ACTL6B: variants seen among roughly 807,000 people sequenced by gnomAD.
ACTL6B encodes the protein actin-like protein 6B.
A neutral mutation model predicts 63.3 loss-of-function variants in ACTL6B; 48 were observed. The observed-to-expected ratio is 0.76, with a 90% confidence interval of 0.60 to 0.96. The LOEUF is 0.96. ACTL6B is among the 50% of genes least tolerant of loss of function. The probability of loss-of-function intolerance (pLI) is 0.00; values close to 1 mark genes in which losing one functional copy is unlikely to be tolerated. For missense variants in ACTL6B, 350 were observed against 572.2 expected (o/e 0.61, Z 3.96); for synonymous variants, 230 against 223.8 (o/e 1.03, Z -0.25).
chr7:100,655,791 T>A lies in ACTL6B; in HGVS notation c.102+12A>T, dbSNP rs767984675. ...AGCCCCTAGGATTTGGAGAGGAGAC[T>A]GGAAGGCTCACCTTGGGACAGTCCT... On this transcript the variant is annotated intron_variant, in intron 2 of 13. Coordinates refer to ENST00000160382, the MANE Select transcript of ACTL6B (RefSeq NM_016188.5). The surrounding 1 kb of genome is among the most constrained non-coding windows in gnomAD (Gnocchi z 4.4). 5 of 1,562,118 alleles carry A rather than the reference T, an allele frequency of 3.2e-6. No homozygotes were observed.
intron 5 of ACTL6B, among the ~76,000 whole-genome samples, chr7:100,649,194 G>T (rs571562292): frequency 1.3e-4 from 20 of 151,180 alleles, no homozygotes; most frequent in African/African-American, 3.9e-4. Flanking sequence ...GGATTTCACC[G>T]TGTTAGCCAG....
In ACTL6B at chr7:100,655,865, G is replaced by A. The variant is rs758261599; in HGVS notation, c.40C>T (p.Leu14=). 1.7e-5 allele frequency: 27 copies of A among 1,571,906 alleles called. No homozygotes were observed. In the East Asian group the frequency reaches 3.1e-4, roughly 18 times the overall value. Reference sequence around the variant, plus strand: ...GAGAAGGAGCCAATGTCAAAGACCAGCGCCCCCACCTCATCTGTGCGGGGA... The same window carrying A: ...GAGAAGGAGCCAATGTCAAAGACCAACGCCCCCACCTCATCTGTGCGGGGA... The part of the protein sequence containing the change: ...GVYGGDEVGA[L]VFDIGSFSVR... Residue 14 remains leucine (L), a synonymous_variant, in exon 2 of 14, where the codon CTG becomes TTG. Transcript: ENST00000160382. This position sits in a 1 kb window ranked among gnomAD's most constrained non-coding sequence, Gnocchi z 4.4.
Position 100,647,164 on chromosome 7 carries a change from C to T in ACTL6B, c.821+59G>A. 6.3e-6 allele frequency: 10 copies of T among 1,587,018 alleles called. No individual in the cohort carries two copies. Among genetic ancestry groups the T allele is most frequent in the Middle Eastern group, 1.7e-4 (1 of 6,004 alleles). ...TGGGCAGCACCAGAGCCCCCCAGCC[C>T]ACCCCAAGAGTGCCGGTTCTGCCCT... is the stretch of plus-strand genomic sequence containing the variant. On this transcript the variant is annotated intron_variant, in intron 9 of 13. Coordinates refer to ENST00000160382, the MANE Select transcript of ACTL6B (RefSeq NM_016188.5). The surrounding 1 kb of genome is among the most constrained non-coding windows in gnomAD (Gnocchi z 4.4).
Position 100,644,990 on chromosome 7 carries a change from A to C in ACTL6B, c.1200+1259T>G, listed in dbSNP as rs186621637. Among the ~76,000 whole-genome samples, 1,265 of 152,262 alleles carry C rather than the reference A, an allele frequency of 8.3e-3. 16 individuals carry two copies. The highest frequency in any genetic ancestry group is 0.01 in the Non-Finnish European group (686 of 68,008). The stretch of plus-strand genomic sequence containing the variant: ...AGAATCGCTTGAACCCAGGAGATGG[A>C]GGTTGCAGTGAGCCAAGATTGCTCC... On this transcript the variant is annotated intron_variant, in intron 13 of 13. Transcript: ENST00000160382.
chr7:100,654,753 C>T (rs1390847971), intron 4 of ACTL6B, among the ~76,000 whole-genome samples: 1 of 149,336 alleles, frequency 6.7e-6, no homozygotes. Flanking sequence ...GCCTGGGTGA[C>T]GGAGTGAGAC....
At chr7:100,651,595 A>AT (rs931759414) in intron 4 of ACTL6B, among the ~76,000 whole-genome samples, 4 of 151,150 alleles carry the variant, frequency 2.6e-5, no homozygotes, top group South Asian at 4.2e-4. Context: ...TTAATTAATT[A>AT]TTTTTTTAAA....
chr7:100,655,768 C>A lies in ACTL6B; in HGVS notation c.102+35G>T. 1 of 1,551,198 alleles carries A rather than the reference C, an allele frequency of 6.4e-7. No individual in the cohort carries two copies. The highest frequency in any genetic ancestry group is 8.7e-7 in the Non-Finnish European group (1 of 1,146,848). Reference sequence around the variant, plus strand: ...GGAAAGCCTGAAGAAGGGTCCGAAGCCCCTAGGATTTGGAGAGGAGACTGG... The same window carrying A: ...GGAAAGCCTGAAGAAGGGTCCGAAGACCCTAGGATTTGGAGAGGAGACTGG... On this transcript the variant is annotated intron_variant, in intron 2 of 13. Coordinates refer to ENST00000160382, the MANE Select transcript of ACTL6B (RefSeq NM_016188.5). This position sits in a 1 kb window ranked among gnomAD's most constrained non-coding sequence, Gnocchi z 4.4.
At chr7:100,654,818 G>A (rs562519454) in intron 4 of ACTL6B, among the ~76,000 whole-genome samples, 1 of 152,074 alleles carries the variant, frequency 6.6e-6, no homozygotes, top group Non-Finnish European at 1.5e-5. Context: ...GGGCAGCAGA[G>A]TGCATAGAGC....
rs760188690 is a variant in ACTL6B, at chr7:100,647,412, G to C, written c.759+32C>G. 23 of 1,604,054 alleles carry C rather than the reference G, an allele frequency of 1.4e-5. No individual in the cohort carries two copies. The South Asian group carries it at 2.3e-4, about 16-fold the overall frequency. Reference sequence around the variant, plus strand: ...CGCCCCCGATTCATGGCAGGGGAGGGGGGTTTCAGGTGGCCCTCTCCAGAG... The same window carrying C: ...CGCCCCCGATTCATGGCAGGGGAGGCGGGTTTCAGGTGGCCCTCTCCAGAG... On this transcript the variant is annotated intron_variant, in intron 8 of 13. Transcript: ENST00000160382. The surrounding 1 kb of genome is among the most constrained non-coding windows in gnomAD (Gnocchi z 4.4).
chr7:100,646,361 A>G lies in ACTL6B; in HGVS notation c.1114-26T>C. On this transcript the variant is annotated intron_variant, in intron 12 of 13. Transcript: ENST00000160382. This position sits in a 1 kb window ranked among gnomAD's most constrained non-coding sequence, Gnocchi z 6.1. Reference sequence around the variant, plus strand: ...CTGGGGGTAAAAAGGGGCTGGGGGAAGCAGACACCTAGGTTCTGGGAAGGG... The same window carrying G: ...CTGGGGGTAAAAAGGGGCTGGGGGAGGCAGACACCTAGGTTCTGGGAAGGG... 6.2e-7 allele frequency: 1 copy of G among 1,611,148 alleles called. No homozygotes were observed. Among genetic ancestry groups the G allele is most frequent in the South Asian group, 1.1e-5 (1 of 90,636 alleles).
Position 100,655,218 on chromosome 7 carries a change from A to G in ACTL6B, c.269-99T>C. 1 of 1,225,310 alleles carries G rather than the reference A, an allele frequency of 8.2e-7. No individual in the cohort carries two copies. The highest frequency in any genetic ancestry group is 1.2e-6 in the Non-Finnish European group (1 of 846,534). 75.9% of individuals were successfully genotyped at this position (1,225,310 alleles called of 1,614,324 possible). A position where few individuals can be genotyped will look rare whatever the true frequency, so the allele number is the denominator to read the frequency against. On this transcript the variant is annotated intron_variant, in intron 3 of 13. Transcript: ENST00000160382. This position sits in a 1 kb window ranked among gnomAD's most constrained non-coding sequence, Gnocchi z 4.4. Reference sequence around the variant, plus strand: ...GAAAGGCCAAGCCCAAAGGAGGGTCAGTGAGTCCAGCTCCAGGGGAACGCC... The same window carrying G: ...GAAAGGCCAAGCCCAAAGGAGGGTCGGTGAGTCCAGCTCCAGGGGAACGCC...
chr7:100,648,954 A>T lies in ACTL6B; in HGVS notation c.468-131T>A. On this transcript the variant is annotated intron_variant, in intron 5 of 13. Transcript: ENST00000160382. The surrounding 1 kb of genome is among the most constrained non-coding windows in gnomAD (Gnocchi z 4.4). ...AGTCTGCAAATCTCTCCCCCTGGTG[A>T]TGACTCATCTCCTGGAGAAAGGCTC... 1 of 754,996 alleles carries T rather than the reference A, an allele frequency of 1.3e-6. No homozygotes were observed. The highest frequency in any genetic ancestry group is 2.0e-6 in the Non-Finnish European group (1 of 489,588). The allele number at this position is 754,996 out of a possible 1,614,324, so 46.8% of individuals were successfully genotyped here. A position where few individuals can be genotyped will look rare whatever the true frequency, so the allele number is the denominator to read the frequency against.
chr7:100,647,609 A>G lies in ACTL6B; in HGVS notation c.670-76T>C, dbSNP rs1803849414. On this transcript the variant is annotated intron_variant, in intron 7 of 13. Transcript: ENST00000160382. The surrounding 1 kb of genome is among the most constrained non-coding windows in gnomAD (Gnocchi z 4.4). ...CCCCCACCTTCCTGGCACTGTTCCC[A>G]GCTCTGCAGCTACCTGGCGCTGCAG... 2 of 1,104,640 alleles carry G rather than the reference A, an allele frequency of 1.8e-6. No individual in the cohort carries two copies. The highest frequency in any genetic ancestry group is 1.6e-5 in the African/African-American group (1 of 63,088). 68.4% of individuals were successfully genotyped at this position (1,104,640 alleles called of 1,614,324 possible). A position where few individuals can be genotyped will look rare whatever the true frequency, so the allele number is the denominator to read the frequency against.
intron 4 of ACTL6B, among the ~76,000 whole-genome samples, chr7:100,653,976 AT>A (rs910520585): frequency 1.2e-3 from 179 of 144,674 alleles, no homozygotes; most frequent in East Asian, 3.8e-3. Context: ...GAGGTTTTAA[AT>A]TTTTTTTTTT....
At chr7:100,650,244 C>T (rs1401273313) in intron 4 of ACTL6B, 109 bp from the exon 5 acceptor site, 20 of 841,010 alleles carry the variant, frequency 2.4e-5, no homozygotes, top group Non-Finnish European at 3.7e-5. Flanking sequence ...CACACACACA[C>T]ATCCAAACAC....
Position 100,646,149 on chromosome 7 carries a change from G to T in ACTL6B, c.1200+100C>A. ...CATTTCTCAAAACTAAATGTTTGTT[G>T]AATGAATGAATGAACGAAGAGGCAG... On this transcript the variant is annotated intron_variant, in intron 13 of 13. Transcript: ENST00000160382. This position sits in a 1 kb window ranked among gnomAD's most constrained non-coding sequence, Gnocchi z 6.1. 2.0e-6 allele frequency: 2 copies of T among 988,766 alleles called. No homozygotes were observed. The highest frequency in any genetic ancestry group is 1.4e-5 in the South Asian group (1 of 73,100). 61.2% of individuals were successfully genotyped at this position (988,766 alleles called of 1,614,324 possible).
At chr7:100,651,565 G>GT (rs908137622) in intron 4 of ACTL6B, among the ~76,000 whole-genome samples, 22 of 149,662 alleles carry the variant, frequency 1.5e-4, no homozygotes, top group East Asian at 1.2e-3. Flanking sequence ...AAAAAAAAAA[G>GT]TTTTTTTTTA....
chr7:100,652,587 C>CAAA (rs71126329), intron 4 of ACTL6B, among the ~76,000 whole-genome samples: 1 of 66,136 alleles, frequency 1.5e-5, no homozygotes. Flanking sequence ...GACTATGTCT[C>CAAA]AAAAAAAAAA....
intron 5 of ACTL6B, among the ~76,000 whole-genome samples, chr7:100,649,369 C>G (rs1441792272): frequency 1.3e-5 from 2 of 151,516 alleles, no homozygotes; most frequent in African/African-American, 4.9e-5. Context: ...AATGCAATAG[C>G]TCACTGCAAC....
Sources: gnomAD v4.1 joint callset for allele counts (sites outside exome capture counted in the v4.1 genomes callset) on GRCh38, gnomAD v4.1.1 for gene constraint, Gnocchi (gnomAD v3.1) non-coding constraint, MANE v1.5 for transcripts, NCBI Gene and HGNC (gene_info 2026-07-23, HGNC 2026-07-21) for gene names.